Variants in BAG1 observed in about 807,000 individuals in gnomAD.
BAG1 encodes the protein BAG cochaperone 1.
Under a neutral mutation model 35.5 loss-of-function variants are expected in BAG1, and 35 were observed. The observed-to-expected ratio is 0.99, with a 90% CI of 0.75 to 1.31. The LOEUF (loss-of-function observed/expected upper bound fraction) is 1.31. Ranked by LOEUF, BAG1 falls within the 50% of genes most tolerant of loss-of-function variation. BAG1 has a pLI of 0.00. For missense variants in BAG1, 464 were observed against 453.6 expected (o/e 1.02, Z -0.21); for synonymous variants, 191 against 178.9 (o/e 1.07, Z -0.54).
intron 6 of BAG1, 51 bp downstream of exon 6, chr9:33,255,814 T>A (rs1587786375): frequency 1.3e-6 from 2 of 1,556,528 alleles, no homozygotes; most frequent in Non-Finnish European, 1.8e-6. Context: ...TAAACACACA[T>A]ACCTACACAT....
chr9:33,262,083 T>C (rs1820583613), intron 2 of BAG1: 1 of 1,280,720 alleles, frequency 7.8e-7, no homozygotes, highest in Non-Finnish European at 1.0e-6. Context: ...CATGGTAACA[T>C]ATAATGGGAA....
rs990355785 is a variant in BAG1 at position 33,264,627 on chromosome 9, C to G, written c.48G>C (p.Arg16=). 11 of 1,352,382 alleles carry G rather than the reference C, an allele frequency of 8.1e-6. No homozygotes were observed. The African/African-American group carries it at 1.5e-4, about 19-fold the overall frequency. The allele number at this position is 1,352,382 out of a possible 1,614,324, so 83.8% of individuals were successfully genotyped here. The change falls in exon 1 of 7, where the codon CGG becomes CGC. Residue 16 remains arginine (R), a synonymous_variant. Coordinates refer to ENST00000634734, the MANE Select transcript of BAG1 (RefSeq NM_004323.6). ...GAAGGGCGCGCAGCCGGGAACCCAGCCGCTCCCGGTCGCCTCGCGGTCTCC... is the reference window on the plus strand; with the variant it reads ...GAAGGGCGCGCAGCCGGGAACCCAGGCGCTCCCGGTCGCCTCGCGGTCTCC...
chr9:33,264,111 G>A (rs950401835), intron 1 of BAG1, 113 bp downstream of exon 1: 6 of 1,285,970 alleles, frequency 4.7e-6, no homozygotes, highest in South Asian at 1.5e-5. Context: ...CCACGCTTCC[G>A]GACGCCAGGA....
At position 33,253,230 on chromosome 9, in the gene BAG1, G is replaced by C. The variant is rs1050567677; in HGVS notation, c.*1989C>G. 1 of 152,184 alleles carries C rather than the reference G, an allele frequency of 6.6e-6. No individual in the cohort carries two copies. The highest frequency in any genetic ancestry group is 1.5e-5 in the Non-Finnish European group (1 of 68,072). 9.4% of individuals were successfully genotyped at this position (152,184 alleles called of 1,614,324 possible). On this transcript the variant is annotated 3_prime_UTR_variant, in exon 7 of 7. Coordinates refer to ENST00000634734, the MANE Select transcript of BAG1 (RefSeq NM_004323.6). ...GAATGGGCCTGTGCAACCCTGTGTT[G>C]GTTGAGAGGCAGTACAGTAGAGGGG...
intron 4 of BAG1, chr9:33,257,116 C>T (rs1820472166): frequency 1.9e-6 from 1 of 524,388 alleles, no homozygotes; most frequent in Non-Finnish European, 3.4e-6. Flanking sequence ...GTCTGCTCTA[C>T]CTCGCATGAC....
intron 5 of BAG1, 39 bp downstream of exon 5, chr9:33,256,762 C>A (rs1820461658): frequency 1.3e-6 from 2 of 1,531,808 alleles, no homozygotes; most frequent in South Asian, 1.1e-5. Flanking sequence ...GAAATAAAGT[C>A]AAAGAAAACT....
chr9:33,255,749 C>A, intron 6 of BAG1, 116 bp downstream of exon 6: 1 of 1,145,372 alleles, frequency 8.7e-7, no homozygotes, highest in Non-Finnish European at 1.3e-6. Context: ...ATAAATATAA[C>A]CAAAACAAGC....
At chr9:33,262,616 C>G in intron 2 of BAG1, 86 bp downstream of exon 2, 1 of 1,347,792 alleles carries the variant, frequency 7.4e-7, no homozygotes, top group African/African-American at 1.5e-5. Context: ...TAGATCGTGC[C>G]ATTGCACTCC....
intron 4 of BAG1, chr9:33,257,350 C>A: frequency 6.3e-6 from 1 of 157,686 alleles, no homozygotes; most frequent in Non-Finnish European, 1.4e-5. Context: ...TAGATGGTTA[C>A]TGTGAGGTAA....
chr9:33,260,340 T>C (rs1409040302), intron 3 of BAG1: 2 of 152,282 alleles, frequency 1.3e-5, no homozygotes, highest in Non-Finnish European at 1.5e-5. Flanking sequence ...AATTGATAGA[T>C]AGGTCTAGCA....
intron 2 of BAG1, among the ~76,000 whole-genome samples, chr9:33,261,490 A>T (rs1437861893): frequency 6.6e-6 from 1 of 152,160 alleles, no homozygotes; most frequent in Non-Finnish European, 1.5e-5. Flanking sequence ...GTAGGCATTA[A>T]GGTCTACAGT....
At chr9:33,255,599 T>G (rs1355148197) in intron 6 of BAG1, among the ~76,000 whole-genome samples, 1 of 152,250 alleles carries the variant, frequency 6.6e-6, no homozygotes, top group Non-Finnish European at 1.5e-5. Context: ...AAGCACTGTG[T>G]GCATGAATAC....
At chr9:33,261,979 G>C (rs957061622) in intron 2 of BAG1, 5 of 1,184,640 alleles carry the variant, frequency 4.2e-6, no homozygotes, top group South Asian at 3.2e-5. Context: ...CACGGAGGCT[G>C]TTATTTTAAC....
intron 3 of BAG1, chr9:33,260,222 CTA>C (rs1278555170): frequency 6.6e-6 from 1 of 152,204 alleles, no homozygotes; most frequent in Non-Finnish European, 1.5e-5. Flanking sequence ...AGTAAAAGTC[CTA>C]TAGTTTCTTC....
At chr9:33,258,457 T>A (rs1820502891) in intron 4 of BAG1, among the ~76,000 whole-genome samples, 1 of 152,046 alleles carries the variant, frequency 6.6e-6, no homozygotes, top group Non-Finnish European at 1.5e-5. Context: ...ATAGGATGAC[T>A]CCCCCAACCC....
rs1271745121 is a variant in BAG1, at chr9:33,261,087, C to T, written c.663G>A (p.Lys221=). The T allele has an allele frequency of 4.4e-6, 7 of 1,601,538 alleles. No homozygotes were observed. Among genetic ancestry groups the T allele is most frequent in the Middle Eastern group, 1.7e-4 (1 of 6,054 alleles). The stretch of plus-strand genomic sequence containing the variant: ...ATTTCTGATGGAAAAAGCAATTTAC[C>T]TTTTTCCCAATTAACATGACCCGGC... Residue 221 remains lysine, a splice_region_variant and synonymous_variant, in exon 3 of 7, where the codon AAG becomes AAA. Transcript: ENST00000634734.
chr9:33,263,540 C>A (rs1399310203), intron 1 of BAG1, among the ~76,000 whole-genome samples: 1 of 152,058 alleles, frequency 6.6e-6, no homozygotes, highest in African/African-American at 2.4e-5. Context: ...GTGAGGTCAG[C>A]AGGAGCCAGG....
Position 33,253,184 on chromosome 9 carries a change from G to A in BAG1, c.*2035C>T, listed in dbSNP as rs1224086897. 6.6e-6 allele frequency: 1 copy of A among 152,218 alleles called. No individual in the cohort carries two copies. Among genetic ancestry groups the A allele is most frequent in the Non-Finnish European group, 1.5e-5 (1 of 68,108 alleles). The allele number at this position is 152,218 out of a possible 1,614,324, so 9.4% of individuals were successfully genotyped here. ...GTGGGAGCTAGAGGGAGAGGCAGAG[G>A]ACAAGAGGAAAAAAATCAGAGAATG... On this transcript the variant is annotated 3_prime_UTR_variant, in exon 7 of 7. Transcript: ENST00000634734.
rs1322577864 is a variant in BAG1 at position 33,256,860 on chromosome 9, T to A, written c.826A>T (p.Arg276Trp). ...TGCTCTATTGTGGCTTTTACTCTCC[T>A]ATCAAGTTTGCAGAGAGCTTCAGCT... The change falls in exon 5 of 7, where the codon AGG (arginine) becomes TGG (tryptophan). Residue 276 changes from arginine to tryptophan, a missense_variant. Coordinates refer to ENST00000634734, the MANE Select transcript of BAG1 (RefSeq NM_004323.6). The A allele has an allele frequency of 6.2e-7, 1 of 1,614,246 alleles. No homozygotes were observed.
Sources: allele counts gnomAD v4.1 joint callset (sites outside exome capture counted in the v4.1 genomes callset), GRCh38; gene constraint gnomAD v4.1.1; transcripts MANE v1.5; gene names NCBI Gene and HGNC (gene_info 2026-07-23, HGNC 2026-07-21).